Variants in PHB1 observed in about 807,000 individuals in gnomAD.
PHB1 encodes the protein prohibitin 1.
the PHB1 span, chr17:49,404,089 T>C: frequency 6.6e-6 from 1 of 152,466 alleles, no homozygotes; most frequent in Non-Finnish European, 1.5e-5. Flanking sequence ...TTGACAGCAG[T>C]TTATACACAT....
the PHB1 span, among the ~76,000 whole-genome samples, chr17:49,410,785 G>C: frequency 6.6e-6 from 1 of 152,214 alleles, no homozygotes; most frequent in Non-Finnish European, 1.5e-5. Context: ...TGCTTTCTGG[G>C]CCTTGCGGAA....
At chr17:49,405,047 C>T in the PHB1 span, 15 of 1,580,156 alleles carry the variant, frequency 9.5e-6, no homozygotes, top group Non-Finnish European at 1.2e-5. Flanking sequence ...GGTGATGTTC[C>T]GAGAGCGTGA....
the PHB1 span, chr17:49,409,153 G>T: frequency 1.9e-6 from 3 of 1,613,130 alleles, no homozygotes; most frequent in African/African-American, 2.7e-5. Flanking sequence ...CAGCATCAAA[G>T]CGAGCCTGGT....
the PHB1 span, chr17:49,409,534 TTTTTTTTTG>T: frequency 4.7e-6 from 5 of 1,065,292 alleles, no homozygotes; most frequent in Middle Eastern, 2.4e-4. Context: ...AAACAAGTGT[TTTTTTTTTG>T]TTTTTTTTTT....
At chr17:49,413,100 G>A in the PHB1 span, 1 of 1,038,012 alleles carries the variant, frequency 9.6e-7, no homozygotes, top group East Asian at 2.5e-5. Flanking sequence ...CTACCATCAA[G>A]AGTGTCACAT....
At chr17:49,411,293 C>A in the PHB1 span, among the ~76,000 whole-genome samples, 1 of 151,304 alleles carries the variant, frequency 6.6e-6, no homozygotes, top group Admixed American at 6.6e-5. Context: ...CTCCGCCCCC[C>A]AGGCTCAAGC....
chr17:49,406,702 A>T, the PHB1 span: 1 of 1,214,382 alleles, frequency 8.2e-7, no homozygotes, highest in Non-Finnish European at 1.2e-6. Context: ...CAAATGGGGA[A>T]GCTGAGTGCC....
At chr17:49,409,115 AC>A in the PHB1 span, 1 of 1,614,028 alleles carries the variant, frequency 6.2e-7, no homozygotes. Context: ...CTGCCTGGAG[AC>A]CAGCTCTCTC....
the PHB1 span, chr17:49,407,070 G>C: frequency 1.8e-6 from 1 of 567,004 alleles, no homozygotes; most frequent in South Asian, 2.0e-5. Context: ...ATATTACTCT[G>C]TCACTCTCAG....
the PHB1 span, chr17:49,412,892 G>T: frequency 3.1e-6 from 1 of 324,152 alleles, no homozygotes; most frequent in African/African-American, 2.1e-5. Flanking sequence ...CAGCATTTGG[G>T]TGGTGCGGCT....
chr17:49,407,042 T>C, the PHB1 span: 3 of 607,258 alleles, frequency 4.9e-6, no homozygotes, highest in Admixed American at 7.7e-5. Flanking sequence ...ACTCTCTGGC[T>C]GCCCAAACTG....
At chr17:49,405,336 T>G in the PHB1 span, 1 of 713,064 alleles carries the variant, frequency 1.4e-6, no homozygotes, top group Non-Finnish European at 2.4e-6. Flanking sequence ...TTCCTCCTGA[T>G]GGCTAGCGGG....
chr17:49,404,952 T>C, the PHB1 span: 3 of 1,348,718 alleles, frequency 2.2e-6, no homozygotes, highest in Non-Finnish European at 3.1e-6. Context: ...ATCGGGGCTG[T>C]GGCCCAGTCA....
the PHB1 span, chr17:49,411,615 C>A: frequency 6.9e-7 from 1 of 1,438,912 alleles, no homozygotes. Flanking sequence ...GCTCCTGTGA[C>A]ACAGAAGAAC....
the PHB1 span, among the ~76,000 whole-genome samples, chr17:49,406,229 A>G: frequency 6.6e-6 from 1 of 152,114 alleles, no homozygotes; most frequent in Non-Finnish European, 1.5e-5. Context: ...CTCCCCACCA[A>G]TTAGGGATAC....
At chr17:49,413,363 A>C in the PHB1 span, 1 of 798,386 alleles carries the variant, frequency 1.3e-6, no homozygotes. Flanking sequence ...CTGACACACA[A>C]CAGTCACTTT....
the PHB1 span, among the ~76,000 whole-genome samples, chr17:49,405,408 C>G: frequency 6.6e-6 from 1 of 152,174 alleles, no homozygotes; most frequent in Non-Finnish European, 1.5e-5. Flanking sequence ...CATGCTCACT[C>G]CTTGTCACGG....
At chr17:49,409,405 A>C in the PHB1 span, 1 of 1,613,900 alleles carries the variant, frequency 6.2e-7, no homozygotes, top group Non-Finnish European at 8.5e-7. Flanking sequence ...ATGCTGGTGA[A>C]GATGCGAGGA....
the PHB1 span, chr17:49,411,951 C>T: frequency 1.4e-5 from 13 of 946,370 alleles, no homozygotes; most frequent in Non-Finnish European, 2.0e-5. Flanking sequence ...AGTCTCCCCT[C>T]TTCTCTCTGT....
Sources: gnomAD v4.1 joint callset for allele counts (sites outside exome capture counted in the v4.1 genomes callset) on GRCh38, gnomAD v4.1.1 for gene constraint, MANE v1.5 for transcripts, NCBI Gene and HGNC (gene_info 2026-07-23, HGNC 2026-07-21) for gene names.